Variants in CFAP54 observed in about 807,000 individuals in gnomAD.
CFAP54 encodes cilia and flagella associated protein 54.
In CFAP54, 290 loss-of-function variants were observed where a neutral mutation model predicts 370.4. The observed-to-expected ratio is 0.78, with a 90% CI of 0.71 to 0.86. The LOEUF is 0.86. Among genes scored for constraint, CFAP54 ranks in the 40% least tolerant of loss-of-function variants. The pLI is 0.00. For missense variants in CFAP54, 3,399 were observed against 3,528.7 expected (o/e 0.96, Z 0.93); for synonymous variants, 1,206 against 1,236.5 (o/e 0.98, Z 0.52).
chr12:96,525,938 C>A (rs1167062069), intron 8 of CFAP54, among the ~76,000 whole-genome samples: 1 of 152,228 alleles, frequency 6.6e-6, no homozygotes, highest in East Asian at 1.9e-4. Flanking sequence ...ATCCACCCGG[C>A]CTCCCAAAGT....
intron 39 of CFAP54, among the ~76,000 whole-genome samples, chr12:96,667,187 G>A (rs1957090372): frequency 6.6e-6 from 1 of 152,186 alleles, no homozygotes; most frequent in Non-Finnish European, 1.5e-5. Flanking sequence ...CTGGTGTTGA[G>A]TGTCTGTGGC....
chr12:96,744,064 T>G lies in CFAP54; in HGVS notation c.7602T>G (p.Thr2534=), dbSNP rs1958084210. ...GETIEFRSSN[T]KYANPLQPLK... Reference sequence around the variant, plus strand: ...CAATTGAATTTCGTTCATCAAACACTAAATATGCAAATCCATTACAGCCTT... The same window carrying G: ...CAATTGAATTTCGTTCATCAAACACGAAATATGCAAATCCATTACAGCCTT... The change falls in exon 55 of 68, where the codon ACT becomes ACG. Residue 2534 remains threonine (T), a synonymous_variant. Transcript: ENST00000524981. 4 of 1,611,092 alleles carry G rather than the reference T, an allele frequency of 2.5e-6. No homozygotes were observed. Among genetic ancestry groups the G allele is most frequent in the Middle Eastern group, 1.7e-4 (1 of 6,048 alleles).
Position 96,759,193 on chromosome 12 carries a change from G to A in CFAP54, c.8040+1605G>A, listed in dbSNP as rs137986156. Among the ~76,000 whole-genome samples, 474 of 151,812 alleles carry A rather than the reference G, an allele frequency of 3.1e-3. 1 individual carries two copies. Among genetic ancestry groups the A allele is most frequent in the Middle Eastern group, 0.01 (3 of 294 alleles). ...GGCAGCTGCCATTCATATGGCAGCT[G>A]CCTTAGGTAAATGGCCCCTCTTTTT... is the stretch of plus-strand genomic sequence containing the variant. On this transcript the variant is annotated intron_variant, in intron 58 of 67. Coordinates refer to ENST00000524981, the MANE Select transcript of CFAP54 (RefSeq NM_001306084.2).
At chr12:96,675,494 A>T (rs1378107546) in intron 39 of CFAP54, among the ~76,000 whole-genome samples, 1 of 152,178 alleles carries the variant, frequency 6.6e-6, no homozygotes, top group African/African-American at 2.4e-5. Context: ...TTGGTGGGAA[A>T]GTAAACTAGT....
chr12:96,634,383 C>A (rs1956642940), intron 32 of CFAP54, among the ~76,000 whole-genome samples: 1 of 152,022 alleles, frequency 6.6e-6, no homozygotes, highest in South Asian at 2.1e-4. Context: ...TACTTGCCAT[C>A]TGTATATCCT....
At chr12:96,628,898 C>T (rs1956573671) in intron 30 of CFAP54, among the ~76,000 whole-genome samples, 1 of 150,864 alleles carries the variant, frequency 6.6e-6, no homozygotes, top group East Asian at 1.9e-4. Context: ...TTTGCTGTAC[C>T]TGGCTAGTAC....
chr12:96,734,138 C>T (rs901481097), intron 50 of CFAP54, among the ~76,000 whole-genome samples: 2 of 152,100 alleles, frequency 1.3e-5, no homozygotes, highest in African/African-American at 4.8e-5. Flanking sequence ...CTACAAATAT[C>T]TAAACCATTT....
chr12:96,820,507 G>C (rs1461792620), intron 65 of CFAP54, among the ~76,000 whole-genome samples: 1 of 152,096 alleles, frequency 6.6e-6, no homozygotes, highest in Non-Finnish European at 1.5e-5. Context: ...AGTACAGTTA[G>C]CCTTTGCAAA....
chr12:96,786,200 C>CTTT (rs35563047), intron 61 of CFAP54, among the ~76,000 whole-genome samples: 1 of 137,700 alleles, frequency 7.3e-6, no homozygotes. Flanking sequence ...TTTTTTTAAT[C>CTTT]TTTTTTTTTT....
chr12:96,653,970 A>T (rs1446319751), intron 36 of CFAP54, among the ~76,000 whole-genome samples: 1 of 152,168 alleles, frequency 6.6e-6, no homozygotes, highest in Non-Finnish European at 1.5e-5. Context: ...AATATGATCA[A>T]TTTTTGTTAA....
chr12:96,802,278 G>T (rs1230802477), intron 63 of CFAP54, among the ~76,000 whole-genome samples: 1 of 152,028 alleles, frequency 6.6e-6, no homozygotes, highest in Non-Finnish European at 1.5e-5. Flanking sequence ...TTCCTGAGGG[G>T]GACACCACCC....
chr12:96,779,687 A>G (rs1434115041), intron 60 of CFAP54, among the ~76,000 whole-genome samples: 5 of 149,598 alleles, frequency 3.3e-5, no homozygotes. Context: ...TTAATTATAT[A>G]TTTCACTACC....
chr12:96,729,797 G>A (rs1219899149), intron 50 of CFAP54, among the ~76,000 whole-genome samples: 4 of 152,200 alleles, frequency 2.6e-5, no homozygotes, highest in East Asian at 1.9e-4. Flanking sequence ...GCTGGGAGCT[G>A]TAGACCGGAG....
intron 66 of CFAP54, among the ~76,000 whole-genome samples, chr12:96,853,251 A>G (rs1231335751): frequency 6.6e-6 from 1 of 152,172 alleles, no homozygotes; most frequent in Non-Finnish European, 1.5e-5. Flanking sequence ...AATAAGAATG[A>G]ACAAACTATT....
chr12:96,526,994 C>T (rs1277882525), intron 8 of CFAP54, among the ~76,000 whole-genome samples: 2 of 146,880 alleles, frequency 1.4e-5, no homozygotes, highest in East Asian at 4.1e-4. Flanking sequence ...TCCCTGGGCT[C>T]AGGTGATCCT....
chr12:96,571,138 A>G (rs912069069), intron 19 of CFAP54, among the ~76,000 whole-genome samples: 1 of 152,184 alleles, frequency 6.6e-6, no homozygotes, highest in Non-Finnish European at 1.5e-5. Context: ...ATTCCATTGC[A>G]TCTTTCCATT....
intron 66 of CFAP54, among the ~76,000 whole-genome samples, chr12:96,835,928 G>A (rs560160603): frequency 5.9e-5 from 9 of 152,272 alleles, no homozygotes; most frequent in Admixed American, 3.9e-4. Flanking sequence ...GAGAGCAGCA[G>A]TCATAAAGGA....
rs1335318630 is a variant in CFAP54 at position 96,649,875 on chromosome 12, T to C, written c.4691-16T>C. On this transcript the variant is annotated splice_polypyrimidine_tract_variant and intron_variant, in intron 34 of 67. Transcript: ENST00000524981. Reference sequence around the variant, plus strand: ...CTATGTTTTTAATCATGTCATATCTTATTTTTGTACTGTAGATGCTGAAGA... The same window carrying C: ...CTATGTTTTTAATCATGTCATATCTCATTTTTGTACTGTAGATGCTGAAGA... 2.0e-6 allele frequency: 3 copies of C among 1,534,324 alleles called. No homozygotes were observed. The highest frequency in any genetic ancestry group is 2.7e-6 in the Non-Finnish European group (3 of 1,125,456).
intron 65 of CFAP54, among the ~76,000 whole-genome samples, chr12:96,827,752 A>G (rs1348480975): frequency 2.6e-4 from 12 of 46,102 alleles, no homozygotes; most frequent in Non-Finnish European, 4.5e-4. Context: ...TATATAATAC[A>G]TAGTAACATA....
Sources: gnomAD v4.1 joint callset for allele counts (sites outside exome capture counted in the v4.1 genomes callset) on GRCh38, gnomAD v4.1.1 for gene constraint, MANE v1.5 for transcripts, NCBI Gene and HGNC (gene_info 2026-07-23, HGNC 2026-07-21) for gene names.